The following NAA11 variants were observed in gnomAD, a reference collection of about 807,000 sequenced individuals.
NAA11 encodes the protein N-alpha-acetyltransferase 11, NatA catalytic subunit, also known as N-alpha-acetyltransferase 11.
NAA11 carries 15 observed loss-of-function variants against 16.1 expected under a neutral mutation model. That is an observed-to-expected ratio of 0.93 (90% confidence interval 0.62 to 1.44). The LOEUF is 1.44. NAA11 is among the 40% of genes most tolerant of loss of function. NAA11 has a pLI of 0.00. For missense variants in NAA11, 298 were observed against 291.3 expected, an observed-to-expected ratio of 1.02 and a Z score of -0.17; for synonymous variants, 122 against 112.4, an observed-to-expected ratio of 1.09 and a Z score of -0.54.
At chr4:79,260,925 A>G (rs183243048) in intron 2 of NAA11, among the ~76,000 whole-genome samples, 8 of 152,340 alleles carry the variant, frequency 5.3e-5, no homozygotes, top group African/African-American at 1.4e-4. Context: ...AGTCTTTTCA[A>G]AATATTACAT....
intron 2 of NAA11, among the ~76,000 whole-genome samples, chr4:79,281,194 T>C (rs930830048): frequency 3.3e-5 from 5 of 151,166 alleles, no homozygotes; most frequent in African/African-American, 1.2e-4. Flanking sequence ...AAACAGCAAA[T>C]GGCAAACATG....
intron 2 of NAA11, among the ~76,000 whole-genome samples, chr4:79,263,041 T>C (rs1335519118): frequency 6.6e-6 from 1 of 152,098 alleles, no homozygotes; most frequent in Non-Finnish European, 1.5e-5. Flanking sequence ...AATACATAGA[T>C]GCGTGTTAAA....
In NAA11 at chr4:79,293,098, A is replaced by G. The variant is rs776530031; in HGVS notation, c.*122+907T>C. ...ATTAACACTCAATATAAACTGTTGT[A>G]TAAATAAGAGTGAAAGTTTTTTTTA... On this transcript the variant is annotated intron_variant and NMD_transcript_variant, in intron 2 of 2. Transcript: ENST00000511542. Among the ~76,000 whole-genome samples, 9 of 152,230 alleles carry G rather than the reference A, an allele frequency of 5.9e-5. 1 individual carries two copies. In the South Asian group the frequency reaches 8.3e-4, roughly 14 times the overall value.
At chr4:79,302,572 A>G (rs1386072851) in intron 1 of NAA11, among the ~76,000 whole-genome samples, 1 of 152,126 alleles carries the variant, frequency 6.6e-6, no homozygotes, top group African/African-American at 2.4e-5. Flanking sequence ...ATATGTGTAT[A>G]TAATGTATAT....
downstream of NAA11, among the ~76,000 whole-genome samples, chr4:79,314,840 AT>A (rs1723880801): frequency 6.6e-6 from 1 of 152,066 alleles, no homozygotes; most frequent in Non-Finnish European, 1.5e-5. Flanking sequence ...CAAAATTGTT[AT>A]ATCAAAGCAT....
chr4:79,238,588 T>C (rs1002225265), intron 2 of NAA11, among the ~76,000 whole-genome samples: 10 of 152,120 alleles, frequency 6.6e-5, no homozygotes, highest in African/African-American at 2.2e-4. Context: ...ACAAAGCATA[T>C]ATGTTAATAA....
the NAA11 span, among the ~76,000 whole-genome samples, chr4:79,203,326 G>T: frequency 6.6e-6 from 1 of 151,732 alleles, no homozygotes; most frequent in Non-Finnish European, 1.5e-5. Context: ...GCACCTGCAT[G>T]CACACATGCA....
chr4:79,164,167 T>C, the NAA11 span, among the ~76,000 whole-genome samples: 1 of 152,186 alleles, frequency 6.6e-6, no homozygotes, highest in Non-Finnish European at 1.5e-5. Context: ...GTTTTTCATG[T>C]TTCATCCTGT....
At chr4:79,211,709 A>C in the NAA11 span, 1 of 152,202 alleles carries the variant, frequency 6.6e-6, no homozygotes, top group African/African-American at 2.4e-5. Context: ...ACAGCTGGCA[A>C]GCTCTGTCCC....
At position 79,316,858 on chromosome 4, in the gene NAA11, A is replaced by C. The variant is rs1382476739; in HGVS notation, c.*946T>G. Reference sequence around the variant, plus strand: ...TTTAACACATTTATAAATAAAATGCAAAGAGTAGGAACAGAAAAGTAGAAG... The same window carrying C: ...TTTAACACATTTATAAATAAAATGCCAAGAGTAGGAACAGAAAAGTAGAAG... On this transcript the variant is annotated 3_prime_UTR_variant, in exon 2 of 2. Transcript: ENST00000286794. The C allele has an allele frequency of 6.6e-6, 1 of 152,204 alleles. No homozygotes were observed. The highest frequency in any genetic ancestry group is 1.9e-4 in the East Asian group (1 of 5,198). 9.4% of individuals were successfully genotyped at this position (152,204 alleles called of 1,614,324 possible). A position where few individuals can be genotyped will look rare whatever the true frequency, so the allele number is the denominator to read the frequency against.
intron 2 of NAA11, among the ~76,000 whole-genome samples, chr4:79,282,445 A>G (rs1422034894): frequency 6.6e-6 from 1 of 152,114 alleles, no homozygotes; most frequent in Non-Finnish European, 1.5e-5. Flanking sequence ...GTTTGTAGCT[A>G]TTGAGATGGA....
At chr4:79,213,580 T>TA in the NAA11 span, among the ~76,000 whole-genome samples, 2 of 152,142 alleles carry the variant, frequency 1.3e-5, no homozygotes, top group Non-Finnish European at 2.9e-5. Flanking sequence ...ATGATTAAAA[T>TA]ATAGTTAAAC....
At chr4:79,240,320 A>C (rs921909662) in intron 2 of NAA11, among the ~76,000 whole-genome samples, 1 of 152,216 alleles carries the variant, frequency 6.6e-6, no homozygotes, top group Non-Finnish European at 1.5e-5. Context: ...GGAATGGCTT[A>C]CTAAAGCAGT....
the NAA11 span, among the ~76,000 whole-genome samples, chr4:79,181,538 A>C: frequency 6.6e-6 from 1 of 152,216 alleles, no homozygotes; most frequent in Non-Finnish European, 1.5e-5. Flanking sequence ...GACTACAGTG[A>C]ACGGGAAGGA....
the NAA11 span, among the ~76,000 whole-genome samples, chr4:79,201,005 G>A: frequency 1.3e-5 from 2 of 151,480 alleles, no homozygotes; most frequent in Non-Finnish European, 3.0e-5. Context: ...TAATAAAATT[G>A]TAAGTTGCTT....
At chr4:79,226,483 G>A (rs1721316772) in intron 2 of NAA11, among the ~76,000 whole-genome samples, 2 of 151,830 alleles carry the variant, frequency 1.3e-5, no homozygotes, top group Admixed American at 6.6e-5. Context: ...CAACGTGCAG[G>A]TTTGTTACAT....
At chr4:79,304,238 A>T (rs1723496344) in intron 1 of NAA11, among the ~76,000 whole-genome samples, 1 of 152,232 alleles carries the variant, frequency 6.6e-6, no homozygotes, top group South Asian at 2.1e-4. Flanking sequence ...TGGTCTACAG[A>T]GCAGAGTCAA....
intron 1 of NAA11, among the ~76,000 whole-genome samples, chr4:79,306,491 G>A (rs182716135): frequency 1.3e-5 from 2 of 152,032 alleles, no homozygotes; most frequent in African/African-American, 4.8e-5. Context: ...CATCCTAATG[G>A]CTTCATTTTA....
chr4:79,264,212 T>G (rs570956853), intron 2 of NAA11, among the ~76,000 whole-genome samples: 1 of 152,370 alleles, frequency 6.6e-6, no homozygotes, highest in African/African-American at 2.4e-5. Flanking sequence ...AAATGGAGAA[T>G]AAATGTATAG....
Sources: gnomAD v4.1 joint callset for allele counts (sites outside exome capture counted in the v4.1 genomes callset) on GRCh38, gnomAD v4.1.1 for gene constraint, MANE v1.5 for transcripts, NCBI Gene and HGNC (gene_info 2026-07-23, HGNC 2026-07-21) for gene names.